Variants in C1QTNF3 observed in about 807,000 individuals in gnomAD.
The protein encoded by C1QTNF3 is complement C1q tumor necrosis factor-related protein 3.
Under a neutral mutation model 32.6 loss-of-function variants are expected in C1QTNF3, and 26 were observed. That is an observed-to-expected ratio of 0.80 (90% confidence interval 0.58 to 1.11). The LOEUF (loss-of-function observed/expected upper bound fraction) is 1.11, where lower values mean the gene tolerates loss of function less well. C1QTNF3 is among the 50% of genes least tolerant of loss of function. The pLI is 0.00. For synonymous variants in C1QTNF3, 155 were observed against 146.0 expected (o/e 1.06, Z -0.44); for missense variants, 362 against 398.2 (o/e 0.91, Z 0.77).
intron 1 of C1QTNF3, among the ~76,000 whole-genome samples, chr5:34,041,188 C>G (rs957524405): frequency 5.9e-5 from 9 of 152,162 alleles, no homozygotes; most frequent in African/African-American, 1.9e-4. Context: ...TAGCACAATC[C>G]TAAATGCAAA....
At chr5:34,234,289 G>A in the C1QTNF3 span, among the ~76,000 whole-genome samples, 13 of 152,162 alleles carry the variant, frequency 8.5e-5, no homozygotes, top group Admixed American at 7.2e-4. Context: ...GGCTAAAGAC[G>A]CATCTTTCCT....
chr5:34,145,130 AAAAAT>A, the C1QTNF3 span, among the ~76,000 whole-genome samples: 4 of 152,144 alleles, frequency 2.6e-5, no homozygotes, highest in East Asian at 1.9e-4. Context: ...CTCCATCTCA[AAAAAT>A]AAAATAAAAT....
the C1QTNF3 span, among the ~76,000 whole-genome samples, chr5:34,135,566 G>T: frequency 6.6e-6 from 1 of 151,892 alleles, no homozygotes. Flanking sequence ...TTTTTGGTTG[G>T]TAAGCTCAAA....
the C1QTNF3 span, among the ~76,000 whole-genome samples, chr5:34,072,371 GAGAAAGAAAGAA>G: frequency 4.6e-3 from 543 of 117,678 alleles, 2 homozygotes; most frequent in African/African-American, 0.015. Context: ...AAAAAAGAAA[GAGAAAGAAAGAA>G]AGAAAGAAAG....
At chr5:34,041,675 T>A (rs1237536139) in intron 1 of C1QTNF3, among the ~76,000 whole-genome samples, 1 of 152,156 alleles carries the variant, frequency 6.6e-6, no homozygotes, top group Non-Finnish European at 1.5e-5. Flanking sequence ...AGATTATCAT[T>A]TCTTCCGTGG....
At chr5:34,076,547 T>C in the C1QTNF3 span, among the ~76,000 whole-genome samples, 1 of 151,526 alleles carries the variant, frequency 6.6e-6, no homozygotes, top group Non-Finnish European at 1.5e-5. Flanking sequence ...GGCTCTCCAA[T>C]AAAATTTGGG....
chr5:34,031,909 G>A (rs299596), intron 3 of C1QTNF3, among the ~76,000 whole-genome samples: 68,840 of 151,936 alleles, frequency 0.45, 17,026 homozygotes, highest in South Asian at 0.74. Flanking sequence ...TTAAACTTGA[G>A]AAACCAAGGC....
At chr5:34,094,182 C>T in the C1QTNF3 span, among the ~76,000 whole-genome samples, 1 of 152,176 alleles carries the variant, frequency 6.6e-6, no homozygotes, top group Non-Finnish European at 1.5e-5. Flanking sequence ...CAACAATAAA[C>T]TCTATCTTTT....
chr5:34,213,777 GTATATATACATA>G, the C1QTNF3 span, among the ~76,000 whole-genome samples: 2 of 26,514 alleles, frequency 7.5e-5, no homozygotes, highest in Non-Finnish European at 1.6e-4. Context: ...ACACATACGT[GTATATATACATA>G]TATATATATA....
chr5:34,206,856 C>G, the C1QTNF3 span, among the ~76,000 whole-genome samples: 1 of 152,108 alleles, frequency 6.6e-6, no homozygotes, highest in Non-Finnish European at 1.5e-5. Context: ...TGTCCAGTTC[C>G]CAACACATCT....
chr5:34,047,792 C>A (rs1755011779), upstream of C1QTNF3, among the ~76,000 whole-genome samples: 1 of 152,140 alleles, frequency 6.6e-6, no homozygotes, highest in South Asian at 2.1e-4. Context: ...AGGGCTTTTT[C>A]AGATGCTCTA....
the C1QTNF3 span, among the ~76,000 whole-genome samples, chr5:34,125,732 T>C: frequency 6.6e-6 from 1 of 152,202 alleles, no homozygotes; most frequent in South Asian, 2.1e-4. Flanking sequence ...AACAGAAAAA[T>C]TTAAAAATTA....
At chr5:34,196,862 G>T in the C1QTNF3 span, among the ~76,000 whole-genome samples, 1 of 152,174 alleles carries the variant, frequency 6.6e-6, no homozygotes, top group African/African-American at 2.4e-5. Flanking sequence ...GGGTTTCACC[G>T]TCTTAGTAAG....
intron 4 of C1QTNF3, among the ~76,000 whole-genome samples, chr5:34,024,963 A>C (rs1754423995): frequency 6.6e-6 from 1 of 152,242 alleles, no homozygotes; most frequent in Non-Finnish European, 1.5e-5. Context: ...GCTTTAATAG[A>C]AGATAGTTCT....
chr5:34,042,645 C>A (rs578086209), intron 1 of C1QTNF3, among the ~76,000 whole-genome samples, 178 bp downstream of exon 1: 1 of 152,092 alleles, frequency 6.6e-6, no homozygotes, highest in Non-Finnish European at 1.5e-5. Context: ...TAACAGAGAC[C>A]GACAGTCTCT....
the C1QTNF3 span, among the ~76,000 whole-genome samples, chr5:34,155,502 C>A: frequency 6.6e-6 from 1 of 152,136 alleles, no homozygotes; most frequent in African/African-American, 2.4e-5. Context: ...TTTACTCAGA[C>A]CTGATTTTAA....
the C1QTNF3 span, among the ~76,000 whole-genome samples, chr5:34,223,999 C>T: frequency 6.6e-6 from 1 of 152,050 alleles, no homozygotes; most frequent in African/African-American, 2.4e-5. Context: ...CATTTGTATA[C>T]ACCAATAACA....
the C1QTNF3 span, among the ~76,000 whole-genome samples, chr5:34,174,798 G>A: frequency 6.6e-6 from 1 of 152,046 alleles, no homozygotes; most frequent in Admixed American, 6.6e-5. Context: ...GGAGTGCGGT[G>A]GCACAATCTC....
chr5:34,059,501 G>A, the C1QTNF3 span, among the ~76,000 whole-genome samples: 1 of 152,148 alleles, frequency 6.6e-6, no homozygotes, highest in South Asian at 2.1e-4. Context: ...AGTATCTGAC[G>A]AAGGCCTGCT....
Sources: gnomAD v4.1 joint callset for allele counts (sites outside exome capture counted in the v4.1 genomes callset) on GRCh38, gnomAD v4.1.1 for gene constraint, MANE v1.5 for transcripts, NCBI Gene and HGNC (gene_info 2026-07-23, HGNC 2026-07-21) for gene names.